Variants in RPS6KC1 observed in about 807,000 individuals in gnomAD.
RPS6KC1 encodes ribosomal protein S6 kinase C1.
A neutral mutation model predicts 103.8 loss-of-function variants in RPS6KC1; 54 were observed. The ratio of observed to expected loss-of-function variants is 0.52; its 90% CI spans 0.42 to 0.65. The LOEUF (loss-of-function observed/expected upper bound fraction) is 0.65, where lower values mean the gene tolerates loss of function less well. Among genes scored for constraint, RPS6KC1 ranks in the 30% least tolerant of loss-of-function variants. The pLI, the probability that RPS6KC1 is intolerant of heterozygous loss-of-function variation, is 0.00. For synonymous variants in RPS6KC1, 439 were observed against 438.7 expected (o/e 1.00, Z -0.01); for missense variants, 1,151 against 1,253.8 (o/e 0.92, Z 1.24).
chr1:213,581,895 A>G, the RPS6KC1 span, among the ~76,000 whole-genome samples: 1 of 151,908 alleles, frequency 6.6e-6, no homozygotes, highest in South Asian at 2.1e-4. Flanking sequence ...TTTTGATTTC[A>G]GGTGCAGCTA....
chr1:213,570,174 T>C, the RPS6KC1 span, among the ~76,000 whole-genome samples: 240 of 152,364 alleles, frequency 1.6e-3, 2 homozygotes, highest in Middle Eastern at 3.4e-3. Flanking sequence ...CTGTCACTTA[T>C]TATTTGAATG....
At position 213,178,033 on chromosome 1, in the gene RPS6KC1, C is replaced by T. The variant is rs188005695; in HGVS notation, c.1044+1541C>T. On this transcript the variant is annotated intron_variant, in intron 8 of 14. Transcript: ENST00000366960. ...ATCTGGGCAACATGGTGAGACCCTG[C>T]GTCTACAAAAAAAGAAAAAGCTGGG... Among the ~76,000 whole-genome samples the T allele has an allele frequency of 2.9e-3, 437 of 149,586 alleles. 2 individuals are homozygous for T. Among genetic ancestry groups the T allele is most frequent in the African/African-American group, 0.01 (412 of 40,628 alleles).
At chr1:213,336,885 A>G in the RPS6KC1 span, among the ~76,000 whole-genome samples, 1 of 152,152 alleles carries the variant, frequency 6.6e-6, no homozygotes, top group Non-Finnish European at 1.5e-5. Flanking sequence ...TACCATTCCC[A>G]TTGTAAACTA....
the RPS6KC1 span, among the ~76,000 whole-genome samples, chr1:213,675,198 T>G: frequency 0.07 from 10,685 of 152,250 alleles, 1,059 homozygotes; most frequent in African/African-American, 0.22. Flanking sequence ...CAATTGCTTT[T>G]GAGAACTTAG....
At chr1:213,311,202 C>G in the RPS6KC1 span, among the ~76,000 whole-genome samples, 1 of 151,574 alleles carries the variant, frequency 6.6e-6, no homozygotes, top group Non-Finnish European at 1.5e-5. Context: ...GCAGTGACGC[C>G]ATCTCCGCTC....
At chr1:213,084,444 T>C (rs2080195126) in intron 3 of RPS6KC1, among the ~76,000 whole-genome samples, 1 of 152,116 alleles carries the variant, frequency 6.6e-6, no homozygotes. Flanking sequence ...CATAATTTTT[T>C]AATGAGCTAT....
At chr1:213,459,226 A>G in the RPS6KC1 span, among the ~76,000 whole-genome samples, 1 of 152,142 alleles carries the variant, frequency 6.6e-6, no homozygotes, top group African/African-American at 2.4e-5. Context: ...CTGTGAATCC[A>G]TCCGGTCCTG....
the RPS6KC1 span, among the ~76,000 whole-genome samples, chr1:213,440,120 C>T: frequency 5.3e-5 from 8 of 152,092 alleles, no homozygotes; most frequent in Non-Finnish European, 1.0e-4. Flanking sequence ...ATACATTGCA[C>T]AGCAAGGGGG....
At chr1:213,598,036 A>C in the RPS6KC1 span, among the ~76,000 whole-genome samples, 1 of 152,362 alleles carries the variant, frequency 6.6e-6, no homozygotes, top group Admixed American at 6.5e-5. Context: ...TTGACGCAAA[A>C]GTAATTGTGG....
chr1:213,184,696 A>G (rs2092445547), intron 8 of RPS6KC1, among the ~76,000 whole-genome samples: 1 of 151,992 alleles, frequency 6.6e-6, no homozygotes, highest in Non-Finnish European at 1.5e-5. Context: ...TTGTATTTCC[A>G]TTTTCATTTG....
the RPS6KC1 span, among the ~76,000 whole-genome samples, chr1:213,739,230 C>T: frequency 2.0e-5 from 3 of 152,260 alleles, no homozygotes; most frequent in South Asian, 6.2e-4. Context: ...AGTATATTTT[C>T]ATTTCCTTAT....
At chr1:213,861,499 T>C in the RPS6KC1 span, among the ~76,000 whole-genome samples, 4 of 152,160 alleles carry the variant, frequency 2.6e-5, no homozygotes, top group African/African-American at 9.7e-5. Context: ...CCAACAAGAA[T>C]CTTTTCAGTA....
the RPS6KC1 span, among the ~76,000 whole-genome samples, chr1:213,598,894 C>T: frequency 1.3e-5 from 2 of 152,118 alleles, no homozygotes; most frequent in East Asian, 1.9e-4. Flanking sequence ...GGACTCCAGC[C>T]GGGCGACAGA....
At chr1:213,383,065 TC>T in the RPS6KC1 span, among the ~76,000 whole-genome samples, 1 of 152,202 alleles carries the variant, frequency 6.6e-6, no homozygotes, top group South Asian at 2.1e-4. Context: ...GAGTGAAGTC[TC>T]CTCCTTCTTG....
At chr1:213,639,027 C>T in the RPS6KC1 span, among the ~76,000 whole-genome samples, 31 of 152,128 alleles carry the variant, frequency 2.0e-4, no homozygotes, top group African/African-American at 7.5e-4. Context: ...TGATTTCTTT[C>T]ATCAGCATAC....
the RPS6KC1 span, among the ~76,000 whole-genome samples, chr1:213,620,110 A>G: frequency 6.6e-6 from 1 of 152,218 alleles, no homozygotes. Context: ...TTAGGTTGTC[A>G]TCTATAGTGC....
chr1:213,734,228 A>G, the RPS6KC1 span, among the ~76,000 whole-genome samples: 1 of 152,214 alleles, frequency 6.6e-6, no homozygotes, highest in South Asian at 2.1e-4. Flanking sequence ...CTCTGGGTCT[A>G]TGGCTCCACT....
the RPS6KC1 span, among the ~76,000 whole-genome samples, chr1:213,395,386 C>T: frequency 6.6e-6 from 1 of 152,178 alleles, no homozygotes; most frequent in Non-Finnish European, 1.5e-5. Context: ...TTCAATATTG[C>T]ATTTCTTCAG....
At chr1:213,308,324 A>G in the RPS6KC1 span, among the ~76,000 whole-genome samples, 6 of 151,520 alleles carry the variant, frequency 4.0e-5, no homozygotes, top group Non-Finnish European at 7.4e-5. Context: ...CAGAAAAAAA[A>G]AAAAAAAAAA....
Sources: gnomAD v4.1 joint callset for allele counts (sites outside exome capture counted in the v4.1 genomes callset) on GRCh38, gnomAD v4.1.1 for gene constraint, MANE v1.5 for transcripts, NCBI Gene and HGNC (gene_info 2026-07-23, HGNC 2026-07-21) for gene names.